The following PCDHGA5 variants were observed in gnomAD, a reference collection of about 807,000 sequenced individuals.
PCDHGA5 encodes protocadherin gamma subfamily A, 5.
PCDHGA5 carries 36 observed loss-of-function variants against 56.7 expected under a neutral mutation model. That is an observed-to-expected ratio of 0.64 (90% CI 0.49 to 0.84). PCDHGA5 has a LOEUF of 0.84. PCDHGA5 is among the 40% of genes least tolerant of loss of function. The pLI is 0.00. For missense variants in PCDHGA5, 1,305 were observed against 1,201.5 expected (o/e 1.09, Z -1.27); for synonymous variants, 563 against 520.2 (o/e 1.08, Z -1.12).
chr5:141,381,971 A>C (rs1777809819), intron 1 of PCDHGA5, among the ~76,000 whole-genome samples: 1 of 150,888 alleles, frequency 6.6e-6, no homozygotes, highest in African/African-American at 2.4e-5. Flanking sequence ...CTGGGATTAC[A>C]GGCGCGCGCC....
In PCDHGA5 at chr5:141,432,867, T is replaced by C; in HGVS notation, c.2422-61940T>C. ...GTAGCGGTGGCCGCGGTCTCCTGCG[T>C]CTTCCTGGCCTTCGTCATCTTGCTG... On this transcript the variant is annotated intron_variant, in intron 1 of 3. Coordinates refer to ENST00000518069, the MANE Select transcript of PCDHGA5 (RefSeq NM_018918.3). The surrounding 1 kb of genome is among the most constrained non-coding windows in gnomAD (Gnocchi z 6.0). 2 of 1,614,182 alleles carry C rather than the reference T, an allele frequency of 1.2e-6. No individual in the cohort carries two copies. The highest frequency in any genetic ancestry group is 1.7e-6 in the Non-Finnish European group (2 of 1,180,010).
Position 141,399,560 on chromosome 5 carries a change from G to A in PCDHGA5, c.2421+32809G>A, listed in dbSNP as rs1354621756. The A allele has an allele frequency of 6.8e-6, 11 of 1,613,906 alleles. No homozygotes were observed. The Admixed American group carries it at 1.3e-4, about 20-fold the overall frequency. ...GTCTGCGCCTCGGACCTGGACTTGG[G>A]GTTGAACGGCCAAGTCTCCTACTCT... is the stretch of plus-strand genomic sequence containing the variant. On this transcript the variant is annotated intron_variant, in intron 1 of 3. Coordinates refer to ENST00000518069, the MANE Select transcript of PCDHGA5 (RefSeq NM_018918.3).
At chr5:141,376,660 T>G in intron 1 of PCDHGA5, 2 of 886,650 alleles carry the variant, frequency 2.3e-6, no homozygotes, top group South Asian at 3.6e-5. Flanking sequence ...GACTCCCTTG[T>G]TCAGGTGAGG....
intron 1 of PCDHGA5, chr5:141,426,648 A>G (rs1224402025): frequency 2.4e-6 from 1 of 418,088 alleles, no homozygotes; most frequent in Non-Finnish European, 4.9e-6. Flanking sequence ...AAATGTGATG[A>G]TAGAAGATAT....
intron 1 of PCDHGA5, among the ~76,000 whole-genome samples, chr5:141,474,763 A>G (rs2099354251): frequency 6.6e-6 from 1 of 152,254 alleles, no homozygotes; most frequent in Non-Finnish European, 1.5e-5. Flanking sequence ...ATATACAGAA[A>G]TAGTATGAGG....
At chr5:141,374,501 G>A (rs746410507) in intron 1 of PCDHGA5, 2 of 1,611,510 alleles carry the variant, frequency 1.2e-6, no homozygotes, top group Non-Finnish European at 1.7e-6. Context: ...AGAATTGGAA[G>A]TGAAAATTCT....
intron 1 of PCDHGA5, chr5:141,382,999 T>C (rs1208869928): frequency 6.2e-7 from 1 of 1,613,770 alleles, no homozygotes; most frequent in Non-Finnish European, 8.5e-7. Context: ...TATTCTCTAC[T>C]CCGTGTCGGA....
chr5:141,487,889 T>C lies in PCDHGA5; in HGVS notation c.2422-6918T>C, dbSNP rs984668596. On this transcript the variant is annotated intron_variant, in intron 1 of 3. Transcript: ENST00000518069. The surrounding 1 kb of genome is among the most constrained non-coding windows in gnomAD (Gnocchi z 5.0). ...CAAGAGCCAGGCTGTTGTGGAAGCA[T>C]GATGATGGAATGTGGGAGCACAGGA... 6.7e-6 allele frequency: 5 copies of C among 747,180 alleles called. No homozygotes were observed. The highest frequency in any genetic ancestry group is 1.1e-5 in the Non-Finnish European group (5 of 464,054). The allele number at this position is 747,180 out of a possible 1,614,324, so 46.3% of individuals were successfully genotyped here. A position where few individuals can be genotyped will look rare whatever the true frequency, so the allele number is the denominator to read the frequency against.
rs374049261 is a variant in PCDHGA5, at chr5:141,393,657, C to T, written c.2421+26906C>T. ...CAACGGAAAAGTGGCATACAAATTC[C>T]GGAAAATTAATGAAAAACAAACTCC... On this transcript the variant is annotated intron_variant, in intron 1 of 3. Coordinates refer to ENST00000518069, the MANE Select transcript of PCDHGA5 (RefSeq NM_018918.3). The T allele has an allele frequency of 3.5e-5, 57 of 1,613,744 alleles. No individual in the cohort carries two copies. In the African/African-American group the frequency reaches 6.5e-4, roughly 19 times the overall value.
intron 1 of PCDHGA5, among the ~76,000 whole-genome samples, chr5:141,368,504 G>A (rs567370495): frequency 3.0e-4 from 45 of 152,138 alleles, no homozygotes; most frequent in Non-Finnish European, 5.3e-4. Context: ...AGTAGGTGTC[G>A]ACATTATTCA....
chr5:141,405,056 T>A (rs770920034), intron 1 of PCDHGA5: 8 of 1,613,836 alleles, frequency 5.0e-6, no homozygotes, highest in Non-Finnish European at 6.8e-6. Context: ...AGTCGTCTCC[T>A]GTGTCTTCCT....
At position 141,366,161 on chromosome 5, in the gene PCDHGA5, G is replaced by A; in HGVS notation, c.1831G>A (p.Ala611Thr). The A allele has an allele frequency of 6.2e-7, 1 of 1,614,092 alleles. No homozygotes were observed. Among genetic ancestry groups the A allele is most frequent in the Non-Finnish European group, 8.5e-7 (1 of 1,180,046 alleles). The change falls in exon 1 of 4, where the codon GCC (alanine) becomes ACC (threonine). Residue 611 changes from alanine (A) to threonine (T), a missense_variant. Transcript: ENST00000518069. ...NAWLSYRLLK[A>T]SEPGLFAVGL... ...CTGGCTGTCCTACCGCCTGCTTAAG[G>A]CCAGCGAGCCAGGACTCTTTGCGGT... is the stretch of plus-strand genomic sequence containing the variant.
At chr5:141,467,185 TG>T (rs1295935271) in intron 1 of PCDHGA5, among the ~76,000 whole-genome samples, 1 of 152,004 alleles carries the variant, frequency 6.6e-6, no homozygotes, top group African/African-American at 2.4e-5. Context: ...CCCAAGTAGC[TG>T]GGATTACAGG....
intron 1 of PCDHGA5, among the ~76,000 whole-genome samples, chr5:141,368,720 T>C (rs1443376319): frequency 6.6e-6 from 1 of 152,220 alleles, no homozygotes; most frequent in African/African-American, 2.4e-5. Flanking sequence ...ATTTTGAATG[T>C]ATGTACTGTA....
chr5:141,408,561 T>C lies in PCDHGA5; in HGVS notation c.2421+41810T>C. On this transcript the variant is annotated intron_variant, in intron 1 of 3. Coordinates refer to ENST00000518069, the MANE Select transcript of PCDHGA5 (RefSeq NM_018918.3). ...AATCCTTTAAATATTTTTCATGTCA[T>C]TGTGGTGATTGAGGATGTTAATGAC... 6.2e-7 allele frequency: 1 copy of C among 1,613,994 alleles called. No homozygotes were observed.
At chr5:141,413,025 A>G in intron 1 of PCDHGA5, 1 of 740,544 alleles carries the variant, frequency 1.4e-6, no homozygotes, top group Non-Finnish European at 2.1e-6. Context: ...CAAGCCCCAC[A>G]AACCGGCTGC....
At chr5:141,479,936 T>C (rs532302710) in intron 1 of PCDHGA5, among the ~76,000 whole-genome samples, 97 of 152,340 alleles carry the variant, frequency 6.4e-4, no homozygotes, top group African/African-American at 2.2e-3. Flanking sequence ...ATCATTGCTA[T>C]CAACTCTTGG....
At chr5:141,399,795 G>C in intron 1 of PCDHGA5, 2 of 1,613,204 alleles carry the variant, frequency 1.2e-6, no homozygotes, top group Non-Finnish European at 1.7e-6. Context: ...ACAACGCACC[G>C]CGGGTGCTGT....
intron 1 of PCDHGA5, chr5:141,397,922 G>A: frequency 1.4e-6 from 1 of 731,582 alleles, no homozygotes; most frequent in Non-Finnish European, 2.2e-6. Flanking sequence ...AGATCTCCTC[G>A]CGCAGCCGCA....
Sources: gnomAD v4.1 joint callset for allele counts (sites outside exome capture counted in the v4.1 genomes callset) on GRCh38, gnomAD v4.1.1 for gene constraint, Gnocchi (gnomAD v3.1) non-coding constraint, MANE v1.5 for transcripts, NCBI Gene and HGNC (gene_info 2026-07-23, HGNC 2026-07-21) for gene names.